Variants in GP6 observed in about 807,000 individuals in gnomAD.
GP6 encodes platelet glycoprotein VI.
In GP6, 45 loss-of-function variants were observed where a neutral mutation model predicts 37.3. That is an observed-to-expected ratio of 1.21 (90% confidence interval 0.95 to 1.55). GP6 has a LOEUF of 1.55. Ranked by LOEUF, GP6 falls within the 40% of genes most tolerant of loss-of-function variation. The probability of loss-of-function intolerance (pLI) is 0.00; values close to 1 mark genes in which losing one functional copy is unlikely to be tolerated. For missense variants in GP6, 813 were observed against 760.2 expected (o/e 1.07, Z -0.82); for synonymous variants, 340 against 316.4 (o/e 1.07, Z -0.79).
Position 55,032,399 on chromosome 19 carries a change from G to A in GP6, c.68-3C>T, listed in dbSNP as rs372189835. ...GAGGGAGGGCTTGGGGAGCGGTCCT[G>A]GAAGAGGAGCAGGGCTGGGTCAGCC... On this transcript the variant is annotated splice_region_variant and splice_polypyrimidine_tract_variant and intron_variant, in intron 2 of 7. Transcript: ENST00000310373. The A allele has an allele frequency of 5.6e-6, 9 of 1,612,454 alleles. No homozygotes were observed. The highest frequency in any genetic ancestry group is 1.3e-5 in the African/African-American group (1 of 74,914).
intron 3 of GP6, among the ~76,000 whole-genome samples, chr19:55,029,356 ATATATATATATATATATATTTTTTTTTT>A (rs2074462380): frequency 3.8e-4 from 1 of 2,608 alleles, no homozygotes; most frequent in African/African-American, 1.6e-3. Context: ...ATATATATAT[ATATATATATATATATATATTTTTTTTTT>A]TTTTTTTTTT....
At chr19:55,019,297 G>A (rs1371344575) in intron 5 of GP6, among the ~76,000 whole-genome samples, 1 of 151,762 alleles carries the variant, frequency 6.6e-6, no homozygotes, top group Middle Eastern at 3.2e-3. Flanking sequence ...CTTTAGTAGA[G>A]GCGGGGTTTC....
At chr19:55,033,981 G>A (rs1228093109) in intron 1 of GP6, among the ~76,000 whole-genome samples, 2 of 152,020 alleles carry the variant, frequency 1.3e-5, no homozygotes, top group Admixed American at 1.3e-4. Context: ...AACACAGAAA[G>A]GATGCATGTT....
intron 3 of GP6, 151 bp downstream of exon 3, chr19:55,031,988 T>G: frequency 1.3e-6 from 1 of 786,292 alleles, no homozygotes; most frequent in East Asian, 2.7e-5. Context: ...AACAAAATAT[T>G]ATTCACATTG....
rs2073779327 is a variant in GP6, at chr19:55,014,575, A to T, written c.1370T>A (p.Phe457Tyr). 9 of 1,613,294 alleles carry T rather than the reference A, an allele frequency of 5.6e-6. No homozygotes were observed. Among genetic ancestry groups the T allele is most frequent in the Non-Finnish European group, 7.6e-6 (9 of 1,179,458 alleles). Residue 457 changes from phenylalanine (F) to tyrosine (Y), a missense_variant, in exon 8 of 8, where the codon TTC (phenylalanine) becomes TAC (tyrosine). Coordinates refer to ENST00000310373, the MANE Select transcript of GP6 (RefSeq NM_001083899.2). Reference sequence around the variant, plus strand: ...AACAGAGTCAACCCTGAGAGCTGGGAACCTTAGAGATCCGTCTGGAGCCCA... The same window carrying T: ...AACAGAGTCAACCCTGAGAGCTGGGTACCTTAGAGATCCGTCTGGAGCCCA...
intron 5 of GP6, among the ~76,000 whole-genome samples, chr19:55,019,633 G>C (rs1303531874): frequency 6.6e-6 from 1 of 151,166 alleles, no homozygotes; most frequent in Admixed American, 6.6e-5. Context: ...GTTAGCCTCA[G>C]AACACGGGAT....
At chr19:55,032,429 C>T (rs370323646) in intron 2 of GP6, 33 bp from the exon 3 acceptor site, 15 of 1,610,892 alleles carry the variant, frequency 9.3e-6, no homozygotes, top group East Asian at 2.2e-5. Context: ...TCAGCCTCCC[C>T]GCAGACCCCG....
At chr19:55,030,065 G>A (rs148205910) in intron 3 of GP6, among the ~76,000 whole-genome samples, 1 of 152,212 alleles carries the variant, frequency 6.6e-6, no homozygotes, top group East Asian at 1.9e-4. Flanking sequence ...TTGAAGAGTA[G>A]GTCGTTAAAA....
At chr19:55,032,846 T>TGTTCGTGTTAGACACGGTGGACTC in intron 1 of GP6, 3 of 488,932 alleles carry the variant, frequency 6.1e-6, no homozygotes, top group Non-Finnish European at 1.1e-5. Flanking sequence ...TCTGTGGACT[T>TGTTCGTGTTAGACACGGTGGACTC]GTTCGTGTTA....
intron 5 of GP6, among the ~76,000 whole-genome samples, chr19:55,019,672 T>C (rs2146735651): frequency 7.9e-6 from 1 of 127,106 alleles, no homozygotes; most frequent in South Asian, 2.5e-4. Context: ...GCCATTTTCT[T>C]TTTTTCTTTT....
intron 1 of GP6, among the ~76,000 whole-genome samples, chr19:55,034,698 T>C (rs548317482): frequency 9.1e-5 from 13 of 143,462 alleles, no homozygotes; most frequent in Non-Finnish European, 2.0e-4. Context: ...CAGTGTTTTA[T>C]CTGGTAACCC....
chr19:55,018,295 G>C (rs1390855085), intron 6 of GP6, among the ~76,000 whole-genome samples: 1 of 152,232 alleles, frequency 6.6e-6, no homozygotes, highest in Non-Finnish European at 1.5e-5. Flanking sequence ...CCTACAGTCT[G>C]TGTGCGTCCG....
chr19:55,029,751 G>T (rs778528118), intron 3 of GP6, among the ~76,000 whole-genome samples: 1 of 151,404 alleles, frequency 6.6e-6, no homozygotes, highest in Non-Finnish European at 1.5e-5. Context: ...ATACCAGATA[G>T]TGAGGAGGGC....
chr19:55,015,237 G>A, intron 7 of GP6, 72 bp from the exon 8 acceptor site: 1 of 1,548,902 alleles, frequency 6.5e-7, no homozygotes, highest in Non-Finnish European at 8.7e-7. Flanking sequence ...CCACATCTGG[G>A]CTTCTCAGAG....
Position 55,015,688 on chromosome 19 carries a change from G to T in GP6, c.770C>A (p.Pro257Gln). The stretch of plus-strand genomic sequence containing the variant: ...GGAGAGGATGACTTACTCACCAGCT[G>T]GAGAGTCTGACTCCTTTGGACTGGC... The change falls in exon 7 of 8, where the codon CCA (proline) becomes CAA (glutamine). Residue 257 changes from proline to glutamine, a missense_variant. Transcript: ENST00000310373. 2 of 1,568,888 alleles carry T rather than the reference G, an allele frequency of 1.3e-6. No individual in the cohort carries two copies. The highest frequency in any genetic ancestry group is 1.8e-6 in the Non-Finnish European group (2 of 1,138,568).
chr19:55,016,299 T>C (rs1055898808), intron 6 of GP6, among the ~76,000 whole-genome samples: 1 of 151,776 alleles, frequency 6.6e-6, no homozygotes, highest in African/African-American at 2.4e-5. Flanking sequence ...TATAGGTTGA[T>C]GTGAAAGTCA....
In GP6 at chr19:55,014,553, A is replaced by G. The variant is rs369436148; in HGVS notation, c.1392T>C (p.Ser464=). ...GAGGATTTTGCACAGAGGATGGAAC[A>G]GAGTCAACCCTGAGAGCTGGGAACC... Residue 464 remains serine, a synonymous_variant, in exon 8 of 8, where the codon TCT becomes TCC. Transcript: ENST00000310373. 7 of 1,613,540 alleles carry G rather than the reference A, an allele frequency of 4.3e-6. No homozygotes were observed. Among genetic ancestry groups the G allele is most frequent in the East Asian group, 4.5e-5 (2 of 44,878 alleles).
At chr19:55,033,276 TTCGTGTTAGACACGGTGGACTC>T (rs2074672031) in intron 1 of GP6, among the ~76,000 whole-genome samples, 1 of 76,430 alleles carries the variant, frequency 1.3e-5, no homozygotes, top group Non-Finnish European at 2.6e-5. Context: ...GGTGGACTCG[TTCGTGTTAGACACGGTGGACTC>T]GTTCGTGTTG....
intron 6 of GP6, among the ~76,000 whole-genome samples, chr19:55,016,322 T>C (rs17836524): frequency 0.13 from 19,546 of 150,878 alleles, 1,529 homozygotes; most frequent in Middle Eastern, 0.3. Context: ...ATAATAATAA[T>C]GGTAGAAATA....
Sources: allele counts gnomAD v4.1 joint callset (sites outside exome capture counted in the v4.1 genomes callset), GRCh38; gene constraint gnomAD v4.1.1; transcripts MANE v1.5; gene names NCBI Gene and HGNC (gene_info 2026-07-23, HGNC 2026-07-21).